The following RASGRF1 variants were observed in gnomAD, a reference collection of about 807,000 sequenced individuals.
The protein encoded by RASGRF1 is Ras protein specific guanine nucleotide releasing factor 1, also known as ras-specific guanine nucleotide-releasing factor 1.
In RASGRF1, 40 loss-of-function variants were observed where a neutral mutation model predicts 138.7. The ratio of observed to expected loss-of-function variants is 0.29; its 90% confidence interval spans 0.22 to 0.38. The LOEUF is 0.38. Ranked by LOEUF, RASGRF1 falls within the 10% of genes least tolerant of loss-of-function variation. The probability of loss-of-function intolerance (pLI) is 1.00; values close to 1 mark genes in which losing one functional copy is unlikely to be tolerated. For synonymous variants in RASGRF1, 614 were observed against 663.2 expected, an observed-to-expected ratio of 0.93 and a Z score of 1.14; for missense variants, 1,108 against 1,650.4, an observed-to-expected ratio of 0.67 and a Z score of 5.69.
chr15:79,083,646 C>A (rs1030969501), intron 1 of RASGRF1, among the ~76,000 whole-genome samples: 1 of 152,134 alleles, frequency 6.6e-6, no homozygotes, highest in Non-Finnish European at 1.5e-5. Flanking sequence ...AATAACAGTC[C>A]CCAGCCAGTC....
chr15:79,059,420 T>A (rs2057565959), intron 2 of RASGRF1, among the ~76,000 whole-genome samples: 1 of 140,124 alleles, frequency 7.1e-6, no homozygotes, highest in Non-Finnish European at 1.5e-5. Context: ...TTCCCTTCCC[T>A]TCCCTATCCT....
At position 79,047,075 on chromosome 15, in the gene RASGRF1, C is replaced by T. The variant is rs2057364118; in HGVS notation, c.625-76G>A. ...CTCCTGTCCTTCCAGGCTGTGAGCT[C>T]CCCAAGGGTAGGAACCAAGGCTTTG... On this transcript the variant is annotated intron_variant, in intron 4 of 26. Transcript: ENST00000558480. The T allele has an allele frequency of 9.0e-6, 14 of 1,548,708 alleles. No homozygotes were observed. The South Asian group carries it at 1.4e-4, about 16-fold the overall frequency.
At chr15:78,986,870 CA>C (rs1321002808) in intron 22 of RASGRF1, among the ~76,000 whole-genome samples, 3 of 152,088 alleles carry the variant, frequency 2.0e-5, no homozygotes, top group Non-Finnish European at 2.9e-5. Flanking sequence ...GATAATAACA[CA>C]AAGTAGTACA....
intron 19 of RASGRF1, among the ~76,000 whole-genome samples, chr15:78,996,445 G>A (rs969900992): frequency 3.9e-5 from 6 of 152,272 alleles, no homozygotes; most frequent in African/African-American, 9.6e-5. Context: ...CAGGCCTGCC[G>A]GGGCTGCGGG....
intron 5 of RASGRF1, among the ~76,000 whole-genome samples, chr15:79,045,063 C>T (rs988803218): frequency 6.6e-6 from 1 of 152,170 alleles, no homozygotes; most frequent in African/African-American, 2.4e-5. Flanking sequence ...AAAGCACAAA[C>T]AACATAGAAC....
intron 25 of RASGRF1, 79 bp from the exon 26 acceptor site, chr15:78,972,013 T>G: frequency 1.6e-6 from 2 of 1,227,564 alleles, no homozygotes; most frequent in South Asian, 2.4e-5. Flanking sequence ...TGAAGGGGCA[T>G]CAACAACTAA....
intron 3 of RASGRF1, among the ~76,000 whole-genome samples, chr15:79,057,812 G>A (rs566091668): frequency 1.6e-4 from 24 of 152,332 alleles, no homozygotes; most frequent in African/African-American, 5.8e-4. Context: ...TGGCAACAAT[G>A]CCGCCTCCAG....
chr15:78,991,699 A>G lies in RASGRF1; in HGVS notation c.3123T>C (p.Ile1041=). 7 of 1,613,794 alleles carry G rather than the reference A, an allele frequency of 4.3e-6. No individual in the cohort carries two copies. The highest frequency in any genetic ancestry group is 5.9e-6 in the Non-Finnish European group (7 of 1,179,712). Residue 1041 remains isoleucine, a synonymous_variant, in exon 21 of 27, where the codon ATT becomes ATC. Coordinates refer to ENST00000558480, the MANE Select transcript of RASGRF1 (RefSeq NM_001145648.3). Reference sequence around the variant, plus strand: ...GTGCCTGCAACACTTACTCATAAGGAATCTTCTTGAAGACGAGGTGATCTA... The same window carrying G: ...GTGCCTGCAACACTTACTCATAAGGGATCTTCTTGAAGACGAGGTGATCTA... The part of the protein sequence containing the change: ...TLLDHLVFKK[I]PYEEFFGQGW...
intron 10 of RASGRF1, among the ~76,000 whole-genome samples, chr15:79,024,155 T>C (rs1355887897): frequency 1.3e-5 from 2 of 148,174 alleles, no homozygotes; most frequent in Non-Finnish European, 3.0e-5. Flanking sequence ...CACACACACA[T>C]ATACACATAT....
At position 79,027,728 on chromosome 15, in the gene RASGRF1, G is replaced by A. The variant is rs902333607; in HGVS notation, c.1381+13C>T. ...CTGGTGGGGGCAGGGGAGACAGGGT[G>A]CAGAGGCCATACCTTGTCTCACAAA... On this transcript the variant is annotated intron_variant, in intron 9 of 26. Transcript: ENST00000558480. This position sits in a 1 kb window ranked among gnomAD's most constrained non-coding sequence, Gnocchi z 4.8. 8.7e-6 allele frequency: 14 copies of A among 1,612,164 alleles called. No homozygotes were observed. Among genetic ancestry groups the A allele is most frequent in the Admixed American group, 1.7e-5 (1 of 60,026 alleles).
At chr15:79,008,302 A>G (rs1283607182) in intron 13 of RASGRF1, among the ~76,000 whole-genome samples, 1 of 152,268 alleles carries the variant, frequency 6.6e-6, no homozygotes, top group Non-Finnish European at 1.5e-5. Context: ...AGTGCCTTCA[A>G]TGAGCAGGGC....
intron 22 of RASGRF1, among the ~76,000 whole-genome samples, chr15:78,988,036 C>T (rs1684541826): frequency 6.6e-6 from 1 of 152,244 alleles, no homozygotes; most frequent in Admixed American, 6.5e-5. Context: ...TGTGCCAGCA[C>T]ACATCCTGTG....
chr15:79,069,078 C>T (rs1264259969), intron 1 of RASGRF1, among the ~76,000 whole-genome samples: 2 of 152,194 alleles, frequency 1.3e-5, no homozygotes, highest in East Asian at 1.9e-4. Context: ...TCCTTGGAGC[C>T]TCACAACCTG....
chr15:79,071,156 C>T (rs565885400), intron 1 of RASGRF1, among the ~76,000 whole-genome samples: 9 of 152,308 alleles, frequency 5.9e-5, no homozygotes, highest in African/African-American at 1.7e-4. Flanking sequence ...GTTTTCATGG[C>T]GGGTCTCAGG....
At chr15:78,987,019 G>A (rs1466430397) in intron 22 of RASGRF1, among the ~76,000 whole-genome samples, 2 of 152,138 alleles carry the variant, frequency 1.3e-5, no homozygotes, top group African/African-American at 4.8e-5. Flanking sequence ...TTCCAGAGAA[G>A]AAGGATAAAA....
chr15:79,013,049 T>C (rs1340361682), intron 13 of RASGRF1, among the ~76,000 whole-genome samples: 1 of 152,202 alleles, frequency 6.6e-6, no homozygotes, highest in Non-Finnish European at 1.5e-5. Context: ...ACTAAACATA[T>C]AATGGTAATT....
chr15:78,973,655 C>T lies in RASGRF1; in HGVS notation c.3495-235G>A, dbSNP rs930741273. 2.0e-5 allele frequency among the ~76,000 whole-genome samples: 3 copies of T among 152,136 alleles called. No individual in the cohort carries two copies. The highest frequency in any genetic ancestry group is 7.2e-5 in the African/African-American group (3 of 41,412). On this transcript the variant is annotated intron_variant, in intron 24 of 26. Transcript: ENST00000558480. The surrounding 1 kb of genome is among the most constrained non-coding windows in gnomAD (Gnocchi z 4.9). ...ACATGGTGCTGACTGGGGCCTCTTA[C>T]ACCCACTGGGGCATCTCAGATTGTC...
intron 2 of RASGRF1, among the ~76,000 whole-genome samples, chr15:79,064,082 T>A (rs2057643804): frequency 6.6e-6 from 1 of 152,204 alleles, no homozygotes; most frequent in African/African-American, 2.4e-5. Context: ...AATGAGTGGC[T>A]GCATTTGGGT....
At chr15:79,047,748 A>T (rs545794601) in intron 4 of RASGRF1, among the ~76,000 whole-genome samples, 2 of 152,064 alleles carry the variant, frequency 1.3e-5, no homozygotes, top group Non-Finnish European at 2.9e-5. Flanking sequence ...ACACACACAG[A>T]GTTGTTTTAA....
Sources: gnomAD v4.1 joint callset for allele counts (sites outside exome capture counted in the v4.1 genomes callset) on GRCh38, gnomAD v4.1.1 for gene constraint, Gnocchi (gnomAD v3.1) non-coding constraint, MANE v1.5 for transcripts, NCBI Gene and HGNC (gene_info 2026-07-23, HGNC 2026-07-21) for gene names.